Variants in SERPINA11 observed in about 807,000 individuals in gnomAD.
SERPINA11 encodes serpin A11.
A neutral mutation model predicts 29.4 loss-of-function variants in SERPINA11; 28 were observed. That is an observed-to-expected ratio of 0.95 (90% CI 0.70 to 1.30). SERPINA11 has a LOEUF of 1.30. Ranked by LOEUF, SERPINA11 falls within the 50% of genes most tolerant of loss-of-function variation. The pLI, the probability that SERPINA11 is intolerant of heterozygous loss-of-function variation, is 0.00. For missense variants in SERPINA11, 530 were observed against 507.3 expected (o/e 1.04, Z -0.43); for synonymous variants, 253 against 206.6 (o/e 1.22, Z -1.92).
At chr14:94,444,098 A>G (rs1898392380) in intron 3 of SERPINA11, among the ~76,000 whole-genome samples, 1 of 152,188 alleles carries the variant, frequency 6.6e-6, no homozygotes, top group South Asian at 2.1e-4. Context: ...GTAGGAGGAC[A>G]TCTAGGGCTA....
rs1048516142 is a variant in SERPINA11 at position 94,448,692 on chromosome 14, T to C, written c.83A>G (p.Lys28Arg). The change falls in exon 2 of 5, where the codon AAA becomes AGA. Residue 28 changes from lysine (K) to arginine (R), a missense_variant. Coordinates refer to ENST00000334708, the MANE Select transcript of SERPINA11 (RefSeq NM_001080451.2). ...HCQPLLAHGD[K>R]SLQGPQPPRH... ...GGGGGGTTGAGGCCCCTGCAGACTT[T>C]TATCTCCATGGGCAAGAAGGGGCTG... The C allele has an allele frequency of 6.5e-7, 1 of 1,545,534 alleles. No individual in the cohort carries two copies. Among genetic ancestry groups the C allele is most frequent in the African/African-American group, 1.4e-5 (1 of 72,472 alleles).
intron 1 of SERPINA11, 74 bp from the exon 2 acceptor site, chr14:94,448,851 A>C: frequency 1.5e-6 from 2 of 1,366,396 alleles, no homozygotes; most frequent in Non-Finnish European, 2.0e-6. Context: ...CATACCACAA[A>C]TCCCACCTTC....
In SERPINA11 at chr14:94,448,408, G is replaced by C. The variant is rs749128181; in HGVS notation, c.367C>G (p.Leu123Val). The C allele has an allele frequency of 4.3e-6, 7 of 1,614,168 alleles. No homozygotes were observed. Among genetic ancestry groups the C allele is most frequent in the Non-Finnish European group, 5.9e-6 (7 of 1,180,030 alleles). Residue 123 changes from leucine to valine, a missense_variant, in exon 2 of 5, where the codon CTC becomes GTC. Transcript: ENST00000334708. ...ADIHQGFRSL[L>V]HTLALPSPKL... ...GGGCTGGGCAGGGCAAGGGTGTGGA[G>C]GAGGCTCCGGAAGCCCTGGTGGATG...
Position 94,443,143 on chromosome 14 carries a change from T to A in SERPINA11, c.1000A>T (p.Asn334Tyr). ...AAGTCAGCTTCTAAGTTGAGTATGT[T>A]GGTGAGACCAATTTGGGGAAGTATG... is the stretch of plus-strand genomic sequence containing the variant. The part of the protein sequence containing the change: ...EDILPQIGLT[N>Y]ILNLEADFSG... Residue 334 changes from asparagine (N) to tyrosine (Y), a missense_variant, in exon 4 of 5, where the codon AAC becomes TAC. Physicochemically the swap from Asn to Tyr is moderately radical, Grantham distance 143 (BLOSUM62 -2). Transcript: ENST00000334708. The A allele has an allele frequency of 6.2e-7, 1 of 1,614,160 alleles. No homozygotes were observed. Among genetic ancestry groups the A allele is most frequent in the Admixed American group, 1.7e-5 (1 of 60,024 alleles).
In SERPINA11 at chr14:94,448,149, T is replaced by C. The variant is rs760533993; in HGVS notation, c.626A>G (p.Asn209Ser). ...AGCCTCACCTTTGAAGAAGATGTAA[T>C]TGGCAAGAACCATGAACGTGTCCTG... ...FSQDTFMVLA[N>S]YIFFKAKWKH... The change falls in exon 2 of 5, where the codon AAT (asparagine) becomes AGT (serine). Residue 209 changes from asparagine to serine, a missense_variant. Transcript: ENST00000334708. 3.7e-6 allele frequency: 6 copies of C among 1,613,362 alleles called. No homozygotes were observed. In the Admixed American group the frequency reaches 1.0e-4, roughly 27 times the overall value.
chr14:94,445,926 C>G (rs1898428231), intron 3 of SERPINA11, among the ~76,000 whole-genome samples: 4 of 152,070 alleles, frequency 2.6e-5, no homozygotes, highest in Admixed American at 2.6e-4. Context: ...TGTACTTAAC[C>G]ACCTTCTGTT....
chr14:94,449,201 A>T (rs1898511961), intron 1 of SERPINA11, among the ~76,000 whole-genome samples: 2 of 152,004 alleles, frequency 1.3e-5, no homozygotes, highest in Admixed American at 6.6e-5. Flanking sequence ...GTTTTTAAAA[A>T]TTAGCTGGGT....
At chr14:94,447,550 C>T (rs141499225) in intron 2 of SERPINA11, among the ~76,000 whole-genome samples, 1 of 152,194 alleles carries the variant, frequency 6.6e-6, no homozygotes, top group Non-Finnish European at 1.5e-5. Context: ...CATATGTAAT[C>T]CTGTCACTTC....
At chr14:94,450,417 T>C (rs983878304) in intron 1 of SERPINA11, among the ~76,000 whole-genome samples, 1 of 152,152 alleles carries the variant, frequency 6.6e-6, no homozygotes, top group Non-Finnish European at 1.5e-5. Flanking sequence ...GAATGCCATG[T>C]GAAGATGAAG....
Position 94,446,580 on chromosome 14 carries a change from C to T in SERPINA11, c.668G>A (p.Arg223His), listed in dbSNP as rs761615166. 16 of 1,613,926 alleles carry T rather than the reference C, an allele frequency of 9.9e-6. No homozygotes were observed. Among genetic ancestry groups the T allele is most frequent in the Admixed American group, 1.7e-5 (1 of 60,000 alleles). ...FKAKWKHPFS[R>H]YQTQKQESFF... ...ACTTTCCTGCTTCTGGGTCTGGTAGCGACTGAAAGGGTGCTTCCACTTGGC... is the reference window on the plus strand; with the variant it reads ...ACTTTCCTGCTTCTGGGTCTGGTAGTGACTGAAAGGGTGCTTCCACTTGGC... Residue 223 changes from arginine (R) to histidine (H), a missense_variant, in exon 3 of 5, where the codon CGC (arginine) becomes CAC (histidine). By Grantham distance (29) the Arg-to-His change is conservative. Coordinates refer to ENST00000334708, the MANE Select transcript of SERPINA11 (RefSeq NM_001080451.2).
intron 1 of SERPINA11, among the ~76,000 whole-genome samples, chr14:94,449,483 GTCTGTCTGTCTT>G (rs1898541581): frequency 1.0e-4 from 6 of 60,030 alleles, no homozygotes; most frequent in Non-Finnish European, 1.4e-4. Flanking sequence ...CTTTCTTTCT[GTCTGTCTGTCTT>G]TCTTTCTCTT....
intron 1 of SERPINA11, among the ~76,000 whole-genome samples, chr14:94,450,496 C>G (rs926442808): frequency 6.6e-6 from 1 of 152,182 alleles, no homozygotes; most frequent in Non-Finnish European, 1.5e-5. Context: ...AGGAGAGAGG[C>G]AAAGCTAGGA....
chr14:94,452,488 A>G (rs1051217772), intron 1 of SERPINA11, among the ~76,000 whole-genome samples: 4 of 152,084 alleles, frequency 2.6e-5, no homozygotes, highest in African/African-American at 7.2e-5. Context: ...GAAGTTTTCC[A>G]TAAAAGGAGA....
At chr14:94,452,613 A>ACACACACACACACACG (rs1898608334) in intron 1 of SERPINA11, 116 bp downstream of exon 1, 1 of 109,084 alleles carries the variant, frequency 9.2e-6, no homozygotes, top group Non-Finnish European at 2.0e-5. Flanking sequence ...ACACACACAC[A>ACACACACACACACACG]CACACACACA....
chr14:94,445,318 C>A (rs1015444485), intron 3 of SERPINA11, among the ~76,000 whole-genome samples: 2 of 152,056 alleles, frequency 1.3e-5, no homozygotes, highest in African/African-American at 4.8e-5. Context: ...AACTAAGTAC[C>A]AGATTTCATC....
intron 3 of SERPINA11, among the ~76,000 whole-genome samples, chr14:94,445,389 T>C (rs1898414393): frequency 6.6e-6 from 1 of 152,090 alleles, no homozygotes; most frequent in South Asian, 2.1e-4. Context: ...GAAGGGGGTC[T>C]AGGGAAACTA....
chr14:94,446,697 G>A, intron 2 of SERPINA11, 93 bp from the exon 3 acceptor site: 2 of 1,310,458 alleles, frequency 1.5e-6, no homozygotes, highest in Middle Eastern at 2.0e-4. Flanking sequence ...TCTTGGCTAT[G>A]CAAGTATGTG....
chr14:94,449,745 G>T (rs1009163867), intron 1 of SERPINA11, among the ~76,000 whole-genome samples: 1 of 151,950 alleles, frequency 6.6e-6, no homozygotes, highest in African/African-American at 2.4e-5. Flanking sequence ...AGAGTTAAGG[G>T]TTTAATTGAC....
rs772733240 is a variant in SERPINA11 at position 94,448,528 on chromosome 14, T to G, written c.247A>C (p.Thr83Pro). ...GCCCCAAGAGAGAGCAGGGCCAGGG[T>G]GGTGGAGATGCTCACTGGCGAGAAG... ...IFFSPVSIST[T>P]LALLSLGAQA... Residue 83 changes from threonine to proline, a missense_variant, in exon 2 of 5, where the codon ACC (threonine) becomes CCC (proline). By Grantham distance (38) the Thr-to-Pro change is conservative (BLOSUM62 -1). Transcript: ENST00000334708. The G allele has an allele frequency of 1.2e-6, 2 of 1,613,922 alleles. No individual in the cohort carries two copies. Among genetic ancestry groups the G allele is most frequent in the South Asian group, 2.2e-5 (2 of 91,062 alleles).
Sources: gnomAD v4.1 joint callset for allele counts (sites outside exome capture counted in the v4.1 genomes callset) on GRCh38, gnomAD v4.1.1 for gene constraint, MANE v1.5 for transcripts, NCBI Gene and HGNC (gene_info 2026-07-23, HGNC 2026-07-21) for gene names.